The following PRKN variants were observed in gnomAD, a reference collection of about 807,000 sequenced individuals.
PRKN encodes the protein E3 ubiquitin-protein ligase parkin.
PRKN carries 56 observed loss-of-function variants against 59.5 expected under a neutral mutation model. That is an observed-to-expected ratio of 0.94 (90% CI 0.76 to 1.18). The LOEUF (loss-of-function observed/expected upper bound fraction) is 1.18, where lower values mean the gene tolerates loss of function less well. Among genes scored for constraint, PRKN ranks in the 50% most tolerant of loss-of-function variants. The pLI is 0.00. For missense variants in PRKN, 657 were observed against 596.4 expected, an observed-to-expected ratio of 1.10 and a Z score of -1.06; for synonymous variants, 250 against 222.1, an observed-to-expected ratio of 1.13 and a Z score of -1.12.
At position 161,487,548 on chromosome 6, in the gene PRKN, C is replaced by A. The variant is rs1321263312; in HGVS notation, c.1083+61306G>T. The stretch of plus-strand genomic sequence containing the variant: ...AAGCCTTCACCATTTTGTAGACCAT[C>A]TTATTCACATTTTGATGGTCGCTTA... On this transcript the variant is annotated intron_variant, in intron 9 of 11. Coordinates refer to ENST00000366898, the MANE Select transcript of PRKN (RefSeq NM_004562.3). The surrounding 1 kb of genome is among the most constrained non-coding windows in gnomAD (Gnocchi z 5.3). Among the ~76,000 whole-genome samples the A allele has an allele frequency of 6.6e-6, 1 of 152,176 alleles. No individual in the cohort carries two copies. Among genetic ancestry groups the A allele is most frequent in the African/African-American group, 2.4e-5 (1 of 41,436 alleles).
intron 5 of PRKN, among the ~76,000 whole-genome samples, chr6:161,993,098 A>T (rs1406761997): frequency 6.6e-6 from 1 of 152,102 alleles, no homozygotes; most frequent in Non-Finnish European, 1.5e-5. Flanking sequence ...GGAAAGAAAT[A>T]ATAAAGACCA....
chr6:161,492,599 T>C (rs1322188603), intron 9 of PRKN, among the ~76,000 whole-genome samples: 1 of 152,208 alleles, frequency 6.6e-6, no homozygotes, highest in Non-Finnish European at 1.5e-5. Context: ...GAGGGCCTTA[T>C]TATATTAGGT....
At chr6:162,277,954 A>C (rs1462128438) in intron 2 of PRKN, among the ~76,000 whole-genome samples, 2 of 152,226 alleles carry the variant, frequency 1.3e-5, no homozygotes, top group African/African-American at 4.8e-5. Context: ...AATCATGTCC[A>C]CACAAAAGCC....
intron 1 of PRKN, among the ~76,000 whole-genome samples, chr6:162,448,791 CCTTT>C (rs978055595): frequency 5.4e-5 from 8 of 149,106 alleles, no homozygotes; most frequent in Non-Finnish European, 1.0e-4. Context: ...TCTCCCTGGA[CCTTT>C]CTTTCTCTTT....
intron 1 of PRKN, chr6:162,727,364 G>A (rs1014831413): frequency 4.2e-6 from 2 of 472,158 alleles, no homozygotes; most frequent in African/African-American, 4.2e-5. Flanking sequence ...ACACGGTCCG[G>A]GGGACCGCGA....
At chr6:162,322,135 C>T (rs78810006) in intron 2 of PRKN, among the ~76,000 whole-genome samples, 4,580 of 151,960 alleles carry the variant, frequency 0.03, 104 homozygotes, top group Non-Finnish European at 0.047. Flanking sequence ...GTAAACTTAA[C>T]AATTATCTCG....
At chr6:162,713,917 A>C (rs1308747393) in intron 1 of PRKN, among the ~76,000 whole-genome samples, 1 of 152,238 alleles carries the variant, frequency 6.6e-6, no homozygotes, top group Non-Finnish European at 1.5e-5. Flanking sequence ...TATATGATTA[A>C]AACAAACTGT....
At chr6:161,515,929 A>T (rs1343028993) in intron 9 of PRKN, among the ~76,000 whole-genome samples, 1 of 152,222 alleles carries the variant, frequency 6.6e-6, no homozygotes, top group African/African-American at 2.4e-5. Context: ...AATTTCTGGC[A>T]AAGGAGAAAA....
chr6:161,439,762 AGAT>A (rs771087548), intron 9 of PRKN, among the ~76,000 whole-genome samples: 5 of 152,154 alleles, frequency 3.3e-5, no homozygotes, highest in Admixed American at 6.6e-5. Flanking sequence ...TTAAGAAAAC[AGAT>A]GATAAGAGAT....
At chr6:161,658,075 C>G (rs1784420282) in intron 7 of PRKN, among the ~76,000 whole-genome samples, 1 of 149,172 alleles carries the variant, frequency 6.7e-6, no homozygotes, top group Admixed American at 6.7e-5. Context: ...TGAAACTACT[C>G]ACATTTTAAA....
intron 6 of PRKN, among the ~76,000 whole-genome samples, chr6:161,795,679 T>C (rs542439308): frequency 6.6e-6 from 1 of 152,218 alleles, no homozygotes; most frequent in African/African-American, 2.4e-5. Context: ...AGGAAGTCTG[T>C]CTGATGATGA....
chr6:162,308,254 G>T (rs1003330418), intron 2 of PRKN, among the ~76,000 whole-genome samples: 3 of 151,992 alleles, frequency 2.0e-5, no homozygotes, highest in African/African-American at 4.8e-5. Context: ...TGCTAAGAAA[G>T]AAATAATATT....
chr6:161,871,151 G>A (rs1194379904), intron 6 of PRKN, among the ~76,000 whole-genome samples: 1 of 152,060 alleles, frequency 6.6e-6, no homozygotes, highest in Non-Finnish European at 1.5e-5. Flanking sequence ...TATTTCTAGA[G>A]TTTTCAGTAA....
intron 1 of PRKN, among the ~76,000 whole-genome samples, chr6:162,726,439 T>C (rs1779194782): frequency 6.6e-6 from 1 of 152,148 alleles, no homozygotes; most frequent in South Asian, 2.1e-4. Context: ...AAAATATTTT[T>C]TTCGTAATTT....
At chr6:161,474,416 T>C (rs1182678325) in intron 9 of PRKN, among the ~76,000 whole-genome samples, 2 of 152,184 alleles carry the variant, frequency 1.3e-5, no homozygotes, top group Non-Finnish European at 2.9e-5. Flanking sequence ...GAATTAATTA[T>C]ATATTTAATA....
In PRKN at chr6:162,588,677, G is replaced by A. The variant is rs567822427; in HGVS notation, c.7+138985C>T. ...CACCATTCTCTTGCCTCAGCCTCCC[G>A]AGTAGCTGGGACTACAGGCGCCCGC... On this transcript the variant is annotated intron_variant, in intron 1 of 11. Transcript: ENST00000366898. Among the ~76,000 whole-genome samples the A allele has an allele frequency of 2.2e-4, 33 of 151,900 alleles. No homozygotes were observed. The East Asian group carries it at 4.7e-3, about 22-fold the overall frequency.
intron 6 of PRKN, among the ~76,000 whole-genome samples, chr6:161,950,239 A>G (rs1282340256): frequency 1.8e-4 from 28 of 152,180 alleles, no homozygotes; most frequent in Admixed American, 1.8e-3. Flanking sequence ...GGACCCAACC[A>G]TATGTTAAAT....
At chr6:161,947,213 A>G (rs1779815095) in intron 6 of PRKN, among the ~76,000 whole-genome samples, 1 of 152,258 alleles carries the variant, frequency 6.6e-6, no homozygotes, top group Admixed American at 6.5e-5. Context: ...AAAAAGATGT[A>G]GAAAGATTCA....
intron 1 of PRKN, among the ~76,000 whole-genome samples, chr6:162,480,810 TTC>T (rs1300211753): frequency 6.6e-5 from 10 of 151,938 alleles, no homozygotes; most frequent in Admixed American, 1.3e-4. Flanking sequence ...TTTTAACTGA[TTC>T]TCTTTTTTTT....
Sources: allele counts gnomAD v4.1 joint callset (sites outside exome capture counted in the v4.1 genomes callset), GRCh38; gene constraint gnomAD v4.1.1; non-coding constraint Gnocchi (gnomAD v3.1); transcripts MANE v1.5; gene names NCBI Gene and HGNC (gene_info 2026-07-23, HGNC 2026-07-21).